The following ECM2 variants were observed in gnomAD, a reference collection of about 807,000 sequenced individuals.
ECM2 encodes extracellular matrix protein 2.
ECM2 carries 57 observed loss-of-function variants against 67.5 expected under a neutral mutation model. The ratio of observed to expected loss-of-function variants is 0.84; its 90% CI spans 0.68 to 1.05. The LOEUF is 1.05. Among genes scored for constraint, ECM2 ranks in the 50% least tolerant of loss-of-function variants. ECM2 has a pLI of 0.00. For missense variants in ECM2, 741 were observed against 822.8 expected (o/e 0.90, Z 1.22); for synonymous variants, 258 against 294.5 (o/e 0.88, Z 1.27).
intron 1 of ECM2, among the ~76,000 whole-genome samples, chr9:92,530,180 A>G (rs562448022): frequency 1.3e-5 from 2 of 152,312 alleles, no homozygotes; most frequent in African/African-American, 2.4e-5. Flanking sequence ...CCCCAAGGGT[A>G]CCAAGGGACG....
chr9:92,544,426 C>T, the ECM2 span, among the ~76,000 whole-genome samples: 1 of 152,036 alleles, frequency 6.6e-6, no homozygotes, highest in Non-Finnish European at 1.5e-5. Flanking sequence ...CAGCGAGCCA[C>T]GATTGCACCA....
chr9:92,496,420 A>G lies in ECM2; in HGVS notation c.1995T>C (p.Leu665=), dbSNP rs202159188. ...TTTTAATATAATTGTTTTCAAGATGAAGATGTTCCAGATTTGAGTCATCAT... is the reference window on the plus strand; with the variant it reads ...TTTTAATATAATTGTTTTCAAGATGGAGATGTTCCAGATTTGAGTCATCAT... ...EEDDDSNLEH[L]HLENNYIKIR... The change falls in exon 10 of 10, where the codon CTT becomes CTC. Residue 665 remains leucine, a synonymous_variant. Transcript: ENST00000344604. The G allele has an allele frequency of 6.2e-7, 1 of 1,610,070 alleles. No individual in the cohort carries two copies. The highest frequency in any genetic ancestry group is 2.2e-5 in the East Asian group (1 of 44,626).
chr9:92,514,784 G>A lies in ECM2; in HGVS notation c.901C>T (p.Pro301Ser). Residue 301 changes from proline to serine, a missense_variant, in exon 4 of 10, where the codon CCC becomes TCC. Physicochemically the swap from Pro to Ser is moderately conservative, Grantham distance 74. Transcript: ENST00000344604. Reference protein sequence around the residue: ...DPVRGDMFRMPSRSPLPAPPR... With the variant: ...DPVRGDMFRMSSRSPLPAPPR... ...GGAGCAGGAAGCGGGGATCGAGAGG[G>A]CATTCGGAACATATCTCCTCTTACC... is the stretch of plus-strand genomic sequence containing the variant. 6.2e-7 allele frequency: 1 copy of A among 1,613,970 alleles called. No individual in the cohort carries two copies. The highest frequency in any genetic ancestry group is 8.5e-7 in the Non-Finnish European group (1 of 1,179,984).
chr9:92,502,772 C>A, intron 7 of ECM2, 120 bp from the exon 8 acceptor site: 1 of 788,006 alleles, frequency 1.3e-6, no homozygotes, highest in Non-Finnish European at 1.8e-6. Flanking sequence ...AGTCTTACTG[C>A]TCTTTCAAGT....
rs143789386 is a variant in ECM2 at position 92,514,777 on chromosome 9, C to T, written c.908G>A (p.Arg303Gln). Residue 303 changes from arginine (R) to glutamine (Q), a missense_variant, in exon 4 of 10, where the codon CGA becomes CAA. Arg to Gln is a conservative substitution (Grantham distance 43). Transcript: ENST00000344604. ...TCTGGGAGGAGCAGGAAGCGGGGAT[C>T]GAGAGGGCATTCGGAACATATCTCC... ...VRGDMFRMPS[R>Q]SPLPAPPRGT... 3.2e-3 allele frequency: 5,173 copies of T among 1,614,020 alleles called. 13 individuals carry two copies. The highest frequency in any genetic ancestry group is 4.0e-3 in the Non-Finnish European group (4,751 of 1,179,984).
In ECM2 at chr9:92,514,981, T is replaced by A. The variant is rs1196510158; in HGVS notation, c.704A>T (p.Asn235Ile). The A allele has an allele frequency of 1.9e-6, 3 of 1,614,134 alleles. No homozygotes were observed. The highest frequency in any genetic ancestry group is 2.5e-6 in the Non-Finnish European group (3 of 1,180,022). Residue 235 changes from asparagine (N) to isoleucine (I), a missense_variant, in exon 4 of 10, where the codon AAT becomes ATT. Asn to Ile is a moderately radical substitution (Grantham distance 149, BLOSUM62 -3). Transcript: ENST00000344604. ...EQKRETPESR[N>I]QGQLYSEGDS... Reference sequence around the variant, plus strand: ...CCCCTCACTGTAAAGTTGCCCCTGATTTCTAGATTCAGGGGTCTCTCTCTT... The same window carrying A: ...CCCCTCACTGTAAAGTTGCCCCTGAATTCTAGATTCAGGGGTCTCTCTCTT...
chr9:92,495,916 C>G lies in ECM2; in HGVS notation c.*399G>C, dbSNP rs1380254599. The G allele has an allele frequency of 1.0e-6, 1 of 985,086 alleles. No homozygotes were observed. The highest frequency in any genetic ancestry group is 1.2e-6 in the Non-Finnish European group (1 of 829,728). The allele number at this position is 985,086 out of a possible 1,614,324, so 61.0% of individuals were successfully genotyped here. ...AAATTCTGCCTGCTTTTTTTGTTGTCATTATGCTTCTTAATCTTGAACCAA... is the reference window on the plus strand; with the variant it reads ...AAATTCTGCCTGCTTTTTTTGTTGTGATTATGCTTCTTAATCTTGAACCAA... On this transcript the variant is annotated 3_prime_UTR_variant, in exon 10 of 10. Coordinates refer to ENST00000344604, the MANE Select transcript of ECM2 (RefSeq NM_001393.4).
At chr9:92,505,751 G>T in intron 6 of ECM2, 61 bp from the exon 7 acceptor site, 1 of 1,388,114 alleles carries the variant, frequency 7.2e-7, no homozygotes, top group Non-Finnish European at 9.7e-7. Flanking sequence ...AATTTTTGTA[G>T]CCTTTTGAAA....
chr9:92,543,605 T>C, the ECM2 span, among the ~76,000 whole-genome samples: 1 of 151,916 alleles, frequency 6.6e-6, no homozygotes, highest in Admixed American at 6.6e-5. Flanking sequence ...GAAATTTCGA[T>C]AGGAATTACA....
At chr9:92,533,328 A>AATATATATATATATATATATATATAT (rs202147064) in intron 1 of ECM2, among the ~76,000 whole-genome samples, 1 of 38,338 alleles carries the variant, frequency 2.6e-5, no homozygotes, top group Non-Finnish European at 4.3e-5. Context: ...AAAAAAAAAA[A>AATATATATATATATATATATATATAT]ATATATATAT....
At chr9:92,527,075 C>T (rs2131264195) in intron 1 of ECM2, among the ~76,000 whole-genome samples, 1 of 152,312 alleles carries the variant, frequency 6.6e-6, no homozygotes, top group East Asian at 1.9e-4. Context: ...GTGGCACCAT[C>T]TCAGCTCACT....
At chr9:92,540,447 A>AC (rs528106470), upstream of ECM2, among the ~76,000 whole-genome samples, 171 of 151,666 alleles carry the variant, frequency 1.1e-3, no homozygotes, top group African/African-American at 3.9e-3. Flanking sequence ...AAAAAAAAAA[A>AC]AAAATGAGAT....
At chr9:92,527,754 G>C (rs1456019844) in intron 1 of ECM2, among the ~76,000 whole-genome samples, 3 of 151,482 alleles carry the variant, frequency 2.0e-5, no homozygotes, top group Non-Finnish European at 2.9e-5. Context: ...TTGTTTCTTA[G>C]TAGAAACCTA....
At chr9:92,499,076 T>C (rs1170903532) in intron 9 of ECM2, among the ~76,000 whole-genome samples, 1 of 152,146 alleles carries the variant, frequency 6.6e-6, no homozygotes, top group Non-Finnish European at 1.5e-5. Flanking sequence ...CAGTAGGTAA[T>C]GCAGAAAGTA....
chr9:92,520,502 A>G (rs1278761478), intron 2 of ECM2, among the ~76,000 whole-genome samples: 1 of 152,218 alleles, frequency 6.6e-6, no homozygotes, highest in Non-Finnish European at 1.5e-5. Flanking sequence ...GTCCTCTTCC[A>G]TTGCTGGTGG....
chr9:92,517,586 T>G, intron 3 of ECM2, 101 bp downstream of exon 3: 1 of 1,507,716 alleles, frequency 6.6e-7, no homozygotes, highest in Non-Finnish European at 9.1e-7. Context: ...TACTCAGATC[T>G]GACTAATGTA....
At chr9:92,519,176 G>A (rs955203204) in intron 2 of ECM2, among the ~76,000 whole-genome samples, 1 of 151,960 alleles carries the variant, frequency 6.6e-6, no homozygotes, top group Non-Finnish European at 1.5e-5. Flanking sequence ...TCTCTCATTC[G>A]AATACTTGCA....
upstream of ECM2, among the ~76,000 whole-genome samples, chr9:92,541,175 C>T (rs56168105): frequency 0.26 from 39,035 of 151,992 alleles, 7,254 homozygotes; most frequent in African/African-American, 0.52. Flanking sequence ...AGGACAATCA[C>T]TTGAACCCAG....
intron 1 of ECM2, among the ~76,000 whole-genome samples, chr9:92,528,874 A>T (rs1467594662): frequency 6.6e-6 from 1 of 152,238 alleles, no homozygotes; most frequent in African/African-American, 2.4e-5. Context: ...GTTGACCCAT[A>T]ATGGGAAAAA....
Sources: gnomAD v4.1 joint callset for allele counts (sites outside exome capture counted in the v4.1 genomes callset) on GRCh38, gnomAD v4.1.1 for gene constraint, MANE v1.5 for transcripts, NCBI Gene and HGNC (gene_info 2026-07-23, HGNC 2026-07-21) for gene names.